The following GANAB variants were observed in gnomAD, a reference collection of about 807,000 sequenced individuals.
GANAB encodes the protein neutral alpha-glucosidase AB.
In GANAB, 35 loss-of-function variants were observed where a neutral mutation model predicts 129.9. The ratio of observed to expected loss-of-function variants is 0.27; its 90% CI spans 0.21 to 0.36. The LOEUF (loss-of-function observed/expected upper bound fraction) is 0.36. Ranked by LOEUF, GANAB falls within the 10% of genes least tolerant of loss-of-function variation. GANAB has a pLI of 1.00. For missense variants in GANAB, 939 were observed against 1,221.0 expected, an observed-to-expected ratio of 0.77 and a Z score of 3.44; for synonymous variants, 482 against 451.8, an observed-to-expected ratio of 1.07 and a Z score of -0.85.
chr11:62,630,073 C>T (rs967891230), intron 13 of GANAB, 116 bp from the exon 14 acceptor site: 10 of 1,332,604 alleles, frequency 7.5e-6, no homozygotes, highest in Admixed American at 1.9e-5. Context: ...GGGCCCTCCC[C>T]GGATCATCAA....
chr11:62,631,644 G>A (rs1943687373), intron 9 of GANAB, among the ~76,000 whole-genome samples: 1 of 151,788 alleles, frequency 6.6e-6, no homozygotes, highest in African/African-American at 2.4e-5. Flanking sequence ...TGTATTTTCA[G>A]TAGAAACAGG....
intron 1 of GANAB, among the ~76,000 whole-genome samples, chr11:62,641,209 C>T (rs557777094): frequency 4.0e-5 from 6 of 150,900 alleles, no homozygotes; most frequent in African/African-American, 1.2e-4. Context: ...CTGGGCATGG[C>T]GTTGAGCATC....
intron 4 of GANAB, among the ~76,000 whole-genome samples, chr11:62,637,068 C>G (rs1785936246): frequency 1.3e-5 from 2 of 151,818 alleles, no homozygotes; most frequent in Admixed American, 1.3e-4. Flanking sequence ...TCAAAAGTAC[C>G]TTTAGGATCA....
intron 5 of GANAB, 81 bp downstream of exon 5, chr11:62,634,739 CG>C: frequency 8.6e-7 from 1 of 1,162,890 alleles, no homozygotes; most frequent in South Asian, 1.4e-5. Flanking sequence ...GTCCCACCAC[CG>C]TCTCCTCCCC....
chr11:62,636,744 G>A (rs1021902648), intron 4 of GANAB, among the ~76,000 whole-genome samples: 1 of 151,822 alleles, frequency 6.6e-6, no homozygotes, highest in Non-Finnish European at 1.5e-5. Flanking sequence ...CCAGCTACTC[G>A]GGCATAGTGG....
Position 62,624,962 on chromosome 11 carries a change from C to A in GANAB, c.*853G>T, listed in dbSNP as rs1943296742. On this transcript the variant is annotated 3_prime_UTR_variant, in exon 24 of 24. Transcript: ENST00000356638. ...TCCTCCCCCAACCCCCCACCCAGGG[C>A]TTCCAGCCAACCCCGAGCACACATG... 6.6e-6 allele frequency: 1 copy of A among 151,306 alleles called. No homozygotes were observed. 9.4% of individuals were successfully genotyped at this position (151,306 alleles called of 1,614,324 possible). A position where few individuals can be genotyped will look rare whatever the true frequency, so the allele number is the denominator to read the frequency against.
At position 62,646,546 on chromosome 11, in the gene GANAB, A is replaced by G. The variant is rs1482019221; in HGVS notation, c.38+16T>C. ...GGGGGCGTCCCGGGCGCGCCCCCAG[A>G]TTCCGGGCTCCTCACCGCCTCCTAC... On this transcript the variant is annotated intron_variant, in intron 1 of 23. Coordinates refer to ENST00000356638, the MANE Select transcript of GANAB (RefSeq NM_198334.3). 1.2e-6 allele frequency: 2 copies of G among 1,613,232 alleles called. No individual in the cohort carries two copies. The highest frequency in any genetic ancestry group is 2.2e-5 in the East Asian group (1 of 44,852).
At chr11:62,625,955 A>G (rs757913089) in intron 23 of GANAB, 31 bp from the exon 24 acceptor site, 4 of 1,502,358 alleles carry the variant, frequency 2.7e-6, no homozygotes, top group Non-Finnish European at 3.7e-6. Context: ...TGCCATAGTC[A>G]TACCAATGGG....
intron 1 of GANAB, among the ~76,000 whole-genome samples, chr11:62,642,370 CAATA>C (rs1279289146): frequency 6.6e-6 from 1 of 151,824 alleles, no homozygotes; most frequent in Non-Finnish European, 1.5e-5. Flanking sequence ...CAGTTTTTAA[CAATA>C]TCAGTGACCT....
chr11:62,629,486 C>G, intron 15 of GANAB, 102 bp downstream of exon 15: 2 of 846,876 alleles, frequency 2.4e-6, no homozygotes, highest in South Asian at 3.2e-5. Context: ...GAAACAGATG[C>G]AGTGTGTGGC....
chr11:62,625,765 T>C lies in GANAB; in HGVS notation c.*50A>G, dbSNP rs1312344708. 6 of 1,124,688 alleles carry C rather than the reference T, an allele frequency of 5.3e-6. No individual in the cohort carries two copies. The Admixed American group carries it at 1.0e-4, about 19-fold the overall frequency. The allele number at this position is 1,124,688 out of a possible 1,614,324, so 69.7% of individuals were successfully genotyped here. A position where few individuals can be genotyped will look rare whatever the true frequency, so the allele number is the denominator to read the frequency against. ...TCCAAGGCAGAAGAAAGAATATCTC[T>C]CAGCACTAATGCTCCCCTTCCCTCC... On this transcript the variant is annotated 3_prime_UTR_variant, in exon 24 of 24. Transcript: ENST00000356638.
In GANAB at chr11:62,626,465, T is replaced by C. The variant is rs376454623; in HGVS notation, c.2512-18A>G. ...GCTGTACCCTGAGCAAGAAGTGGGATAGGTGAGCGCCTGAGCCCAAGAGGG... is the reference window on the plus strand; with the variant it reads ...GCTGTACCCTGAGCAAGAAGTGGGACAGGTGAGCGCCTGAGCCCAAGAGGG... On this transcript the variant is annotated intron_variant, in intron 21 of 23. Transcript: ENST00000356638. 1.1e-5 allele frequency: 17 copies of C among 1,572,460 alleles called. No individual in the cohort carries two copies. Among genetic ancestry groups the C allele is most frequent in the Non-Finnish European group, 1.4e-5 (16 of 1,142,152 alleles).
chr11:62,627,379 G>C, intron 17 of GANAB, 26 bp from the exon 18 acceptor site: 1 of 1,370,652 alleles, frequency 7.3e-7, no homozygotes, highest in Non-Finnish European at 1.0e-6. Context: ...GACAATAAAG[G>C]AAAACTTTTC....
At chr11:62,644,686 C>T (rs189562613) in intron 1 of GANAB, among the ~76,000 whole-genome samples, 9 of 152,014 alleles carry the variant, frequency 5.9e-5, no homozygotes, top group South Asian at 2.1e-4. Flanking sequence ...TAGCTGGGCA[C>T]GGTGGCACAC....
At chr11:62,635,027 A>G in intron 4 of GANAB, 27 bp from the exon 5 acceptor site, 2 of 1,577,836 alleles carry the variant, frequency 1.3e-6, no homozygotes, top group Non-Finnish European at 1.7e-6. Flanking sequence ...AAGAAATATA[A>G]GGAAGTACAA....
Position 62,625,429 on chromosome 11 carries a change from TC to T in GANAB, c.*385del. 2.5e-6 allele frequency: 1 copy of T among 395,584 alleles called. No individual in the cohort carries two copies. The highest frequency in any genetic ancestry group is 1.9e-5 in the South Asian group (1 of 52,154). 24.5% of individuals were successfully genotyped at this position (395,584 alleles called of 1,614,324 possible). On this transcript the variant is annotated 3_prime_UTR_variant, in exon 24 of 24. Transcript: ENST00000356638. ...CCCTAACTCATTGCCCTCATCTTCT[TC>T]CAAGAAGTGGCATCAACATACAAGA... is the stretch of plus-strand genomic sequence containing the variant.
At position 62,631,058 on chromosome 11, in the gene GANAB, A is replaced by G; in HGVS notation, c.1122T>C (p.Asp374=). 1 of 1,610,120 alleles carries G rather than the reference A, an allele frequency of 6.2e-7. No individual in the cohort carries two copies. The highest frequency in any genetic ancestry group is 8.5e-7 in the Non-Finnish European group (1 of 1,176,622). ...VFLLLGPSIS[D]VFRQYASLTG... is the part of the protein sequence containing the mutation. ...TGAGACTAGCATATTGCCGGAAAAC[A>G]TCAGAGATGGAGGGCCCCAGCAGCA... The change falls in exon 10 of 24, where the codon GAT becomes GAC. Residue 374 remains aspartate (D), a synonymous_variant. Coordinates refer to ENST00000356638, the MANE Select transcript of GANAB (RefSeq NM_198334.3).
intron 18 of GANAB, 45 bp from the exon 19 acceptor site, chr11:62,627,169 A>C (rs764446223): frequency 6.5e-7 from 1 of 1,530,272 alleles, no homozygotes; most frequent in South Asian, 1.1e-5. Context: ...ATTAGTTCCC[A>C]GAACAGGGAA....
At chr11:62,645,907 A>C (rs533575153) in intron 1 of GANAB, among the ~76,000 whole-genome samples, 2 of 152,158 alleles carry the variant, frequency 1.3e-5, no homozygotes, top group South Asian at 4.1e-4. Context: ...ATATGTTTCG[A>C]ATCTTTTTTT....
Sources: gnomAD v4.1 joint callset for allele counts (sites outside exome capture counted in the v4.1 genomes callset) on GRCh38, gnomAD v4.1.1 for gene constraint, MANE v1.5 for transcripts, NCBI Gene and HGNC (gene_info 2026-07-23, HGNC 2026-07-21) for gene names.